SNX29: variants seen among roughly 807,000 people sequenced by gnomAD.
SNX29 encodes the protein sorting nexin-29.
Under a neutral mutation model 102.1 loss-of-function variants are expected in SNX29, and 78 were observed. That is an observed-to-expected ratio of 0.76 (90% CI 0.64 to 0.92). SNX29 has a LOEUF of 0.92. SNX29 is among the 40% of genes least tolerant of loss of function. The pLI, the probability that SNX29 is intolerant of heterozygous loss-of-function variation, is 0.00. For synonymous variants in SNX29, 580 were observed against 414.5 expected (o/e 1.40, Z -4.85); for missense variants, 1,280 against 1,061.7 (o/e 1.21, Z -2.86).
intron 20 of SNX29, among the ~76,000 whole-genome samples, chr16:12,548,163 A>C (rs2077727954): frequency 2.0e-5 from 3 of 152,200 alleles, no homozygotes; most frequent in African/African-American, 7.2e-5. Context: ...CATCTTGGCC[A>C]CACACATTTG....
rs188630489 is a variant in SNX29, at chr16:12,129,673, G to A, written c.1510G>A (p.Ala504Thr). The A allele has an allele frequency of 2.5e-5, 41 of 1,611,108 alleles. No homozygotes were observed. Among genetic ancestry groups the A allele is most frequent in the Middle Eastern group, 4.5e-4 (2 of 4,446 alleles). Residue 504 changes from alanine (A) to threonine (T), a missense_variant, in exon 13 of 21, where the codon GCG (alanine) becomes ACG (threonine). Ala to Thr is a moderately conservative substitution (Grantham distance 58). Transcript: ENST00000566228. ...CGACGGTGAGATGGAGCACTCAGCC[G>A]CGCTCCGGCAAGAGGTGGACACCTT... ...LLDGEMEHSA[A>T]LRQEVDTLKR...
At chr16:12,400,867 G>T (rs1015989952) in intron 17 of SNX29, among the ~76,000 whole-genome samples, 1 of 152,166 alleles carries the variant, frequency 6.6e-6, no homozygotes, top group African/African-American at 2.4e-5. Flanking sequence ...CTGTCACCCA[G>T]GTTGGAGTGC....
intron 20 of SNX29, among the ~76,000 whole-genome samples, chr16:12,563,097 C>T (rs891333569): frequency 1.1e-4 from 15 of 142,150 alleles, no homozygotes; most frequent in African/African-American, 2.0e-4. Flanking sequence ...ACATAGAAGA[C>T]GCACGCTAAC....
intron 20 of SNX29, among the ~76,000 whole-genome samples, chr16:12,558,804 T>A (rs1210425436): frequency 1.3e-5 from 2 of 152,088 alleles, no homozygotes; most frequent in African/African-American, 4.8e-5. Context: ...ATCTGCCTGA[T>A]AAGGGCTCCC....
chr16:12,121,330 G>A (rs902694436), intron 11 of SNX29, among the ~76,000 whole-genome samples: 2 of 152,212 alleles, frequency 1.3e-5, no homozygotes, highest in Non-Finnish European at 2.9e-5. Flanking sequence ...AGAACACAAG[G>A]GCACAGAACC....
At chr16:12,536,116 A>G (rs780335516) in intron 20 of SNX29, among the ~76,000 whole-genome samples, 1 of 152,190 alleles carries the variant, frequency 6.6e-6, no homozygotes, top group Non-Finnish European at 1.5e-5. Flanking sequence ...AAGGGTGAAC[A>G]CAGCCCAGCT....
intron 20 of SNX29, chr16:12,527,094 C>G (rs1037657414): frequency 2.9e-5 from 13 of 451,194 alleles, no homozygotes; most frequent in African/African-American, 2.2e-4. Context: ...TTAAACAGCT[C>G]TTTTAATAAA....
At chr16:12,140,508 A>G (rs918759709) in intron 13 of SNX29, among the ~76,000 whole-genome samples, 3 of 152,176 alleles carry the variant, frequency 2.0e-5, no homozygotes, top group African/African-American at 7.2e-5. Flanking sequence ...GAAAACCAGG[A>G]TGTTCCTCCC....
chr16:12,564,623 G>C (rs565867421), intron 20 of SNX29, among the ~76,000 whole-genome samples: 10 of 151,264 alleles, frequency 6.6e-5, no homozygotes, highest in African/African-American at 2.5e-4. Flanking sequence ...CCTAGTCCCA[G>C]CATTAACAGA....
chr16:12,139,192 C>CT (rs1174882939), intron 13 of SNX29, among the ~76,000 whole-genome samples: 1 of 53,964 alleles, frequency 1.9e-5, no homozygotes, highest in Non-Finnish European at 2.8e-5. Context: ...GAGCGAGACT[C>CT]TAAAAAAAAA....
At chr16:12,301,172 T>G (rs2080162421) in intron 15 of SNX29, among the ~76,000 whole-genome samples, 1 of 152,206 alleles carries the variant, frequency 6.6e-6, no homozygotes, top group African/African-American at 2.4e-5. Context: ...CTAAAATATC[T>G]CATAAAGCCA....
intron 1 of SNX29, among the ~76,000 whole-genome samples, chr16:11,981,743 A>G (rs1378454353): frequency 1.3e-5 from 2 of 152,318 alleles, no homozygotes; most frequent in Middle Eastern, 3.4e-3. Flanking sequence ...TATATACAAG[A>G]TAAATGGGTA....
intron 9 of SNX29, among the ~76,000 whole-genome samples, chr16:12,063,862 C>G (rs1045993036): frequency 4.6e-5 from 7 of 152,006 alleles, no homozygotes; most frequent in Non-Finnish European, 7.4e-5. Context: ...TCCTGCATTT[C>G]TAGACCATCC....
intron 8 of SNX29, among the ~76,000 whole-genome samples, chr16:12,057,569 C>A (rs536452845): frequency 6.6e-6 from 1 of 152,144 alleles, no homozygotes; most frequent in Non-Finnish European, 1.5e-5. Context: ...AGAGAACATA[C>A]CCTCGATTCA....
intron 10 of SNX29, among the ~76,000 whole-genome samples, chr16:12,077,388 TGTGTGTG>T (rs2051630843): frequency 1.3e-5 from 1 of 74,824 alleles, no homozygotes; most frequent in Admixed American, 1.6e-4. Flanking sequence ...CTAGTCATGG[TGTGTGTG>T]TGTGTGTGTG....
intron 14 of SNX29, among the ~76,000 whole-genome samples, chr16:12,210,799 G>C (rs927739956): frequency 6.7e-6 from 1 of 150,350 alleles, no homozygotes; most frequent in Non-Finnish European, 1.5e-5. Flanking sequence ...CTTCTCTCTT[G>C]TTTCACTCTG....
At chr16:12,565,354 C>CACT (rs2078954555) in intron 20 of SNX29, among the ~76,000 whole-genome samples, 1 of 152,208 alleles carries the variant, frequency 6.6e-6, no homozygotes, top group South Asian at 2.1e-4. Context: ...GTCACGCACT[C>CACT]ACTGAAGCCC....
At chr16:12,037,974 A>G (rs1399814397) in intron 4 of SNX29, among the ~76,000 whole-genome samples, 2 of 60,936 alleles carry the variant, frequency 3.3e-5, no homozygotes, top group Non-Finnish European at 9.1e-5. Context: ...CCTCAAAAAC[A>G]AAACAAAACA....
intron 15 of SNX29, among the ~76,000 whole-genome samples, chr16:12,316,730 C>T (rs1182959195): frequency 6.6e-6 from 1 of 152,144 alleles, no homozygotes; most frequent in Non-Finnish European, 1.5e-5. Flanking sequence ...CTCTCCCATC[C>T]CTCCTTCCTG....
Sources: gnomAD v4.1 joint callset for allele counts (sites outside exome capture counted in the v4.1 genomes callset) on GRCh38, gnomAD v4.1.1 for gene constraint, MANE v1.5 for transcripts, NCBI Gene and HGNC (gene_info 2026-07-23, HGNC 2026-07-21) for gene names.